KIF1A: variants seen among roughly 807,000 people sequenced by gnomAD.
KIF1A encodes the protein kinesin-like protein KIF1A.
A neutral mutation model predicts 227.3 loss-of-function variants in KIF1A; 46 were observed. The observed-to-expected ratio is 0.20, with a 90% CI of 0.16 to 0.26. KIF1A has a LOEUF of 0.26. KIF1A is among the 10% of genes least tolerant of loss of function. The probability of loss-of-function intolerance (pLI) is 1.00; values close to 1 mark genes in which losing one functional copy is unlikely to be tolerated. For missense variants in KIF1A, 1,683 were observed against 2,485.9 expected (o/e 0.68, Z 6.87); for synonymous variants, 1,022 against 1,012.8 (o/e 1.01, Z -0.17).
At chr2:240,801,118 T>C (rs1476913522) in intron 1 of KIF1A, among the ~76,000 whole-genome samples, 2 of 151,872 alleles carry the variant, frequency 1.3e-5, no homozygotes, top group African/African-American at 2.4e-5. Context: ...AGGACTCTGA[T>C]TAAAAACAAA....
intron 35 of KIF1A, 45 bp downstream of exon 35, chr2:240,741,224 C>A: frequency 4.4e-6 from 6 of 1,348,464 alleles, no homozygotes; most frequent in East Asian, 2.5e-5. Context: ...CCGCGCACCC[C>A]CCGACACACA....
At chr2:240,761,657 C>G (rs182047552) in intron 23 of KIF1A, among the ~76,000 whole-genome samples, 12 of 152,316 alleles carry the variant, frequency 7.9e-5, no homozygotes, top group Admixed American at 3.3e-4. Flanking sequence ...GCTTGCCCCC[C>G]ACCCCGTTTC....
chr2:240,795,001 T>C (rs2056206463), intron 2 of KIF1A, among the ~76,000 whole-genome samples: 1 of 152,220 alleles, frequency 6.6e-6, no homozygotes, highest in Non-Finnish European at 1.5e-5. Flanking sequence ...TCCACGGCCC[T>C]TTCCTCCTCC....
rs1269833960 is a variant in KIF1A, at chr2:240,739,717, G to C, written c.3901+341C>G. Reference sequence around the variant, plus strand: ...TTCCCCAACAGGTTTCAGAGAGAGAGAGCGCGCCTCTTGCCGGCACCTTGA... The same window carrying C: ...TTCCCCAACAGGTTTCAGAGAGAGACAGCGCGCCTCTTGCCGGCACCTTGA... On this transcript the variant is annotated intron_variant, in intron 37 of 48. Coordinates refer to ENST00000498729, the MANE Select transcript of KIF1A (RefSeq NM_001244008.2). The surrounding 1 kb of genome is among the most constrained non-coding windows in gnomAD (Gnocchi z 5.6). Among the ~76,000 whole-genome samples the C allele has an allele frequency of 6.6e-6, 1 of 152,160 alleles. No individual in the cohort carries two copies. The highest frequency in any genetic ancestry group is 1.5e-5 in the Non-Finnish European group (1 of 68,024).
In KIF1A at chr2:240,799,365, G is replaced by A. The variant is rs1017674328; in HGVS notation, c.-60-1553C>T. Reference sequence around the variant, plus strand: ...AACTCCTCCGCAGAACAGGCTGGATGTGGGGCAGGGCTGTCCCTCAGGCAA... The same window carrying A: ...AACTCCTCCGCAGAACAGGCTGGATATGGGGCAGGGCTGTCCCTCAGGCAA... On this transcript the variant is annotated intron_variant, in intron 1 of 48. Coordinates refer to ENST00000498729, the MANE Select transcript of KIF1A (RefSeq NM_001244008.2). Among the ~76,000 whole-genome samples, 8 of 152,346 alleles carry A rather than the reference G, an allele frequency of 5.3e-5. No individual in the cohort carries two copies. The East Asian group carries it at 1.5e-3, about 29-fold the overall frequency.
In KIF1A at chr2:240,725,338, C is replaced by T; in HGVS notation, c.4189G>A (p.Ala1397Thr). The T allele has an allele frequency of 6.2e-7, 1 of 1,611,868 alleles. No individual in the cohort carries two copies. The highest frequency in any genetic ancestry group is 1.1e-5 in the South Asian group (1 of 90,860). Residue 1397 changes from alanine (A) to threonine (T), a missense_variant, in exon 40 of 49, where the codon GCC becomes ACC. Coordinates refer to ENST00000498729, the MANE Select transcript of KIF1A (RefSeq NM_001244008.2). The surrounding 1 kb of genome is among the most constrained non-coding windows in gnomAD (Gnocchi z 5.8). ...DFCMVFYSRD[A>T]KLPASRSIRN... ...ATGGAGCGCGAGGCTGGCAGCTTGG[C>T]ATCACGGGAATAGAAGACCATGCAG...
intron 11 of KIF1A, 87 bp from the exon 12 acceptor site, chr2:240,774,348 T>C (rs1411853207): frequency 2.4e-5 from 19 of 788,882 alleles, no homozygotes; most frequent in Non-Finnish European, 3.8e-5. Flanking sequence ...CATTTACAGA[T>C]GGGGAGGCTG....
chr2:240,747,264 A>C lies in KIF1A; in HGVS notation c.3035T>G (p.Ile1012Ser). The change falls in exon 29 of 49, where the codon ATC (isoleucine) becomes AGC (serine). Residue 1012 changes from isoleucine to serine, a missense_variant. Around this residue, in one of 12 missense-constraint regions of KIF1A, gnomAD observed 759 missense variants for 1,020.2 expected, o/e 0.74. Transcript: ENST00000498729. Reference sequence around the variant, plus strand: ...TTCAAAATGCTGGTCATCAAAGGAGATTTTAGCAGTTCCCGACTGGCGGAC... The same window carrying C: ...TTCAAAATGCTGGTCATCAAAGGAGCTTTTAGCAGTTCCCGACTGGCGGAC... ...SGVRQSGTAK[I>S]SFDDQHFEKF... 1 of 1,613,500 alleles carries C rather than the reference A, an allele frequency of 6.2e-7. No individual in the cohort carries two copies. The highest frequency in any genetic ancestry group is 1.1e-5 in the South Asian group (1 of 91,058).
chr2:240,769,574 C>T (rs1055002240), intron 16 of KIF1A, 53 bp downstream of exon 16: 50 of 1,481,210 alleles, frequency 3.4e-5, no homozygotes, highest in East Asian at 3.0e-4. Flanking sequence ...GCCCAGGCTC[C>T]GGGCTTGCTG....
chr2:240,763,349 G>A lies in KIF1A; in HGVS notation c.1769-3C>T. On this transcript the variant is annotated splice_region_variant and splice_polypyrimidine_tract_variant and intron_variant, in intron 20 of 48. Coordinates refer to ENST00000498729, the MANE Select transcript of KIF1A (RefSeq NM_001244008.2). ...CTTACCCATGATGATGCGGTTTCCT[G>A]GGGAACAGAGGGACAGGTGGCCTTG... 6.4e-7 allele frequency: 1 copy of A among 1,566,440 alleles called. No individual in the cohort carries two copies. The highest frequency in any genetic ancestry group is 8.6e-7 in the Non-Finnish European group (1 of 1,156,752).
rs1335433877 is a variant in KIF1A, at chr2:240,758,971, C to T, written c.2445-474G>A. Among the ~76,000 whole-genome samples, 4 of 152,134 alleles carry T rather than the reference C, an allele frequency of 2.6e-5. No individual in the cohort carries two copies. ...TTCCCAAGAAAAACTTAATGTAGGA[C>T]AAAGGAAAAGCAATCATTGTGCCCC... On this transcript the variant is annotated intron_variant, in intron 25 of 48. Coordinates refer to ENST00000498729, the MANE Select transcript of KIF1A (RefSeq NM_001244008.2). This position sits in a 1 kb window ranked among gnomAD's most constrained non-coding sequence, Gnocchi z 5.2.
At chr2:240,777,434 T>C (rs2052900013) in intron 10 of KIF1A, among the ~76,000 whole-genome samples, 1 of 152,060 alleles carries the variant, frequency 6.6e-6, no homozygotes, top group African/African-American at 2.4e-5. Flanking sequence ...CCTCCAGCCA[T>C]TCAGCCACTT....
At chr2:240,765,821 G>A (rs750812480) in intron 19 of KIF1A, 28 bp from the exon 20 acceptor site, 4 of 1,571,164 alleles carry the variant, frequency 2.5e-6, no homozygotes, top group Non-Finnish European at 3.5e-6. Flanking sequence ...GGGGCAGAGA[G>A]GAGGACTATG....
intron 38 of KIF1A, among the ~76,000 whole-genome samples, chr2:240,729,867 G>C (rs1464997027): frequency 6.6e-6 from 1 of 152,222 alleles, no homozygotes; most frequent in Admixed American, 6.5e-5. Flanking sequence ...CCCTCCCCCA[G>C]GTGCCAAGAT....
chr2:240,717,691 G>A (rs1008627072), intron 48 of KIF1A, among the ~76,000 whole-genome samples: 11 of 152,344 alleles, frequency 7.2e-5, no homozygotes, highest in Admixed American at 2.0e-4. Context: ...CGAGGCCACC[G>A]GGTTAGGATG....
rs1442291898 is a variant in KIF1A, at chr2:240,797,621, C to A, written c.106+26G>T. The A allele has an allele frequency of 2.6e-6, 4 of 1,543,060 alleles. No homozygotes were observed. The East Asian group carries it at 9.0e-5, about 35-fold the overall frequency. On this transcript the variant is annotated intron_variant, in intron 2 of 48. Coordinates refer to ENST00000498729, the MANE Select transcript of KIF1A (RefSeq NM_001244008.2). ...GGCCCCCAGCAACCCATGGCCGACC[C>A]CGATGCTGTGCAGGCTGATACTCAC...
At position 240,820,125 on chromosome 2, in the gene KIF1A, T is replaced by C. The variant is rs2058629185; in HGVS notation, c.-64A>G. On this transcript the variant is annotated 5_prime_UTR_variant, in exon 1 of 49. Coordinates refer to ENST00000498729, the MANE Select transcript of KIF1A (RefSeq NM_001244008.2). The surrounding 1 kb of genome is among the most constrained non-coding windows in gnomAD (Gnocchi z 6.2). ...GCCGGGCGGGCGGCGGCCTTACCTC[T>C]CCGGCGTCACTGGCGGCGGCCCCGC... 1 of 149,000 alleles carries C rather than the reference T, an allele frequency of 6.7e-6. No homozygotes were observed. Among genetic ancestry groups the C allele is most frequent in the Non-Finnish European group, 1.5e-5 (1 of 66,720 alleles). The allele number at this position is 149,000 out of a possible 1,614,324, so 9.2% of individuals were successfully genotyped here. A position where few individuals can be genotyped will look rare whatever the true frequency, so the allele number is the denominator to read the frequency against.
rs2054746900 is a variant in KIF1A at position 240,786,319 on chromosome 2, G to T, written c.608+16C>A. ...GGACAGGAGGGCAGGGAGGTCCAGT[G>T]AGTCCCTCCACCCACCTGGCCTTGT... On this transcript the variant is annotated intron_variant, in intron 6 of 48. Coordinates refer to ENST00000498729, the MANE Select transcript of KIF1A (RefSeq NM_001244008.2). The T allele has an allele frequency of 1.9e-6, 3 of 1,609,030 alleles. No individual in the cohort carries two copies. In the Admixed American group the frequency reaches 5.0e-5, roughly 27 times the overall value.
chr2:240,782,527 A>G lies in KIF1A; in HGVS notation c.882+63T>C, dbSNP rs981934046. Reference sequence around the variant, plus strand: ...CCCCGCCCCTCACCACAGGGCGCCAATGCAGGGCAGACACCGCCACCAGCC... The same window carrying G: ...CCCCGCCCCTCACCACAGGGCGCCAGTGCAGGGCAGACACCGCCACCAGCC... On this transcript the variant is annotated intron_variant, in intron 10 of 48. Transcript: ENST00000498729. The G allele has an allele frequency of 1.0e-5, 16 of 1,524,752 alleles. No homozygotes were observed. The African/African-American group carries it at 1.5e-4, about 14-fold the overall frequency. 94.5% of individuals were successfully genotyped at this position (1,524,752 alleles called of 1,614,324 possible). A position where few individuals can be genotyped will look rare whatever the true frequency, so the allele number is the denominator to read the frequency against.
Sources: allele counts gnomAD v4.1 joint callset (sites outside exome capture counted in the v4.1 genomes callset), GRCh38; gene constraint gnomAD v4.1.1; regional missense constraint gnomAD v4.1.1; non-coding constraint Gnocchi (gnomAD v3.1); transcripts MANE v1.5; gene names NCBI Gene and HGNC (gene_info 2026-07-23, HGNC 2026-07-21).